Variants in NRG1 observed in about 807,000 individuals in gnomAD.
NRG1 encodes the protein pro-neuregulin-1, membrane-bound isoform.
A neutral mutation model predicts 63.8 loss-of-function variants in NRG1; 18 were observed. The observed-to-expected ratio is 0.28, with a 90% confidence interval of 0.19 to 0.42. The LOEUF (loss-of-function observed/expected upper bound fraction) is 0.42, where lower values mean the gene tolerates loss of function less well. Among genes scored for constraint, NRG1 ranks in the 10% least tolerant of loss-of-function variants. The pLI is 1.00. For synonymous variants in NRG1, 302 were observed against 301.3 expected (o/e 1.00, Z -0.02); for missense variants, 762 against 814.7 (o/e 0.94, Z 0.79).
At chr8:32,431,752 G>A (rs1818179355) in intron 1 of NRG1, among the ~76,000 whole-genome samples, 1 of 150,738 alleles carries the variant, frequency 6.6e-6, no homozygotes, top group African/African-American at 2.4e-5. Context: ...TTTTTTTTCT[G>A]AGGGAAAAAA....
intron 5 of NRG1, chr8:32,647,254 C>G: frequency 1.0e-6 from 1 of 985,326 alleles, no homozygotes; most frequent in Non-Finnish European, 1.2e-6. Flanking sequence ...CTGCTGCCGC[C>G]GCCGCCACCG....
At chr8:32,764,805 G>A (rs16879952) in exon 12 of NRG1, 7,101 of 160,618 alleles carry the variant, frequency 0.044, 555 homozygotes, top group African/African-American at 0.16. Context: ...AGTAGCACCC[G>A]ATCAGTATGT....
chr8:31,737,477 T>C (rs1814801728), intron 1 of NRG1, among the ~76,000 whole-genome samples: 1 of 152,152 alleles, frequency 6.6e-6, no homozygotes, highest in Non-Finnish European at 1.5e-5. Context: ...AGGGACACAA[T>C]AAATGTTGAC....
intron 1 of NRG1, among the ~76,000 whole-genome samples, chr8:32,589,593 G>A (rs1190531971): frequency 1.3e-5 from 2 of 152,190 alleles, no homozygotes; most frequent in African/African-American, 2.4e-5. Context: ...CTGCACAAAC[G>A]TGGAGAGTAA....
chr8:32,475,924 G>A (rs1258977929), intron 1 of NRG1, among the ~76,000 whole-genome samples: 1 of 152,202 alleles, frequency 6.6e-6, no homozygotes, highest in East Asian at 1.9e-4. Context: ...GGTGCTTTAA[G>A]TGGGTTGTCT....
chr8:31,791,514 G>T (rs1437390691), intron 1 of NRG1, among the ~76,000 whole-genome samples: 4 of 152,054 alleles, frequency 2.6e-5, no homozygotes, highest in Non-Finnish European at 5.9e-5. Context: ...TGCCTTTCTT[G>T]TATCTCTGTC....
At chr8:31,721,705 C>T (rs1002217006) in intron 1 of NRG1, among the ~76,000 whole-genome samples, 1 of 152,094 alleles carries the variant, frequency 6.6e-6, no homozygotes, top group African/African-American at 2.4e-5. Flanking sequence ...TTGCCAGAAC[C>T]CATGATGCTG....
intron 1 of NRG1, among the ~76,000 whole-genome samples, chr8:31,746,139 G>A (rs550896260): frequency 5.8e-4 from 88 of 151,970 alleles, no homozygotes; most frequent in African/African-American, 2.0e-3. Context: ...AGGAGGAAAA[G>A]AGGATGACGG....
intron 1 of NRG1, among the ~76,000 whole-genome samples, chr8:32,464,287 C>CT (rs1422938630): frequency 7.4e-6 from 1 of 134,870 alleles, no homozygotes; most frequent in Non-Finnish European, 1.6e-5. Context: ...CCACCCCCCC[C>CT]CACCCCACCA....
At chr8:31,806,554 G>T (rs186966619) in intron 1 of NRG1, among the ~76,000 whole-genome samples, 1 of 152,204 alleles carries the variant, frequency 6.6e-6, no homozygotes, top group East Asian at 1.9e-4. Flanking sequence ...CCAGTAAGAT[G>T]CTGCAATTTA....
intron 1 of NRG1, among the ~76,000 whole-genome samples, chr8:31,987,346 G>GTGTA (rs372739895): frequency 6.8e-6 from 1 of 147,594 alleles, no homozygotes; most frequent in Non-Finnish European, 1.5e-5. Context: ...GTGTGTGTGT[G>GTGTA]TGTATGTGTG....
intron 1 of NRG1, among the ~76,000 whole-genome samples, chr8:32,265,375 T>C (rs1273150599): frequency 6.6e-6 from 1 of 152,050 alleles, no homozygotes; most frequent in Non-Finnish European, 1.5e-5. Context: ...TTGCTGTCAG[T>C]AAAGACTGAC....
chr8:32,180,316 G>A (rs1336136882), intron 1 of NRG1, among the ~76,000 whole-genome samples: 1 of 151,982 alleles, frequency 6.6e-6, no homozygotes, highest in Admixed American at 6.6e-5. Context: ...TCTAATCCAG[G>A]GTCCTAAATA....
intron 1 of NRG1, among the ~76,000 whole-genome samples, chr8:32,213,284 A>G (rs1305612280): frequency 1.3e-5 from 2 of 152,236 alleles, no homozygotes; most frequent in African/African-American, 2.4e-5. Context: ...ATGCAGCCAT[A>G]AAAAGGAAGA....
intron 1 of NRG1, among the ~76,000 whole-genome samples, chr8:32,472,177 T>C (rs1287678479): frequency 2.0e-5 from 3 of 149,352 alleles, no homozygotes; most frequent in Non-Finnish European, 3.0e-5. Context: ...TTCTTGGCGT[T>C]TATTCTTTTT....
chr8:31,831,398 C>A (rs774544058), intron 1 of NRG1, among the ~76,000 whole-genome samples: 8 of 151,860 alleles, frequency 5.3e-5, no homozygotes, highest in Non-Finnish European at 1.2e-4. Flanking sequence ...CCACCGTGCC[C>A]AGCCCACATT....
chr8:31,639,275 G>A (rs1803501199), exon 1 of NRG1: 2 of 1,274,466 alleles, frequency 1.6e-6, no homozygotes, highest in Non-Finnish European at 2.2e-6. Context: ...TCGGACTGCA[G>A]CCTGTTTGCC....
At chr8:32,732,799 CTTTTTTTTTT>C (rs1173388613) in intron 6 of NRG1, among the ~76,000 whole-genome samples, 11 of 83,344 alleles carry the variant, frequency 1.3e-4, no homozygotes, top group Non-Finnish European at 1.6e-4. Flanking sequence ...TGTTTAATTT[CTTTTTTTTTT>C]TTTTTTTTTT....
chr8:32,341,270 T>C lies in NRG1; in HGVS notation c.38-254558T>C, dbSNP rs574902014. Among the ~76,000 whole-genome samples, 157 of 152,338 alleles carry C rather than the reference T, an allele frequency of 1.0e-3. 1 individual carries two copies. The highest frequency in any genetic ancestry group is 3.6e-3 in the African/African-American group (150 of 41,580). ...GGGTTCTATTATTCCACTTTGCATT[T>C]CTAGAACATACTTCTTTCAGAATAA... On this transcript the variant is annotated intron_variant, in intron 1 of 10. Coordinates refer to the NRG1 transcript ENST00000519301.
Sources: gnomAD v4.1 joint callset for allele counts (sites outside exome capture counted in the v4.1 genomes callset) on GRCh38, gnomAD v4.1.1 for gene constraint, MANE v1.5 for transcripts, NCBI Gene and HGNC (gene_info 2026-07-23, HGNC 2026-07-21) for gene names.